The following CLYBL variants were observed in gnomAD, a reference collection of about 807,000 sequenced individuals.
CLYBL encodes citramalyl-CoA lyase.
CLYBL carries 31 observed loss-of-function variants against 38.9 expected under a neutral mutation model. That is an observed-to-expected ratio of 0.80 (90% confidence interval 0.60 to 1.08). CLYBL has a LOEUF of 1.08. Ranked by LOEUF, CLYBL falls within the 50% of genes least tolerant of loss-of-function variation. The probability of loss-of-function intolerance (pLI) is 0.00; values close to 1 mark genes in which losing one functional copy is unlikely to be tolerated. For missense variants in CLYBL, 434 were observed against 411.6 expected (o/e 1.05, Z -0.47); for synonymous variants, 171 against 158.6 (o/e 1.08, Z -0.59).
intron 7 of CLYBL, among the ~76,000 whole-genome samples, chr13:99,886,263 C>G (rs1272284841): frequency 6.6e-6 from 1 of 152,188 alleles, no homozygotes; most frequent in East Asian, 1.9e-4. Flanking sequence ...TAGAAAATTA[C>G]TCTTTTAGGA....
chr13:99,830,756 A>G (rs2050788080), intron 2 of CLYBL, among the ~76,000 whole-genome samples: 1 of 152,208 alleles, frequency 6.6e-6, no homozygotes, highest in African/African-American at 2.4e-5. Context: ...GCTTTCTAAT[A>G]ACTCTTTTAA....
intron 1 of CLYBL, 82 bp downstream of exon 1, chr13:99,606,839 C>G (rs1272305912): frequency 1.5e-6 from 2 of 1,301,288 alleles, no homozygotes; most frequent in East Asian, 3.2e-5. Context: ...GGGCCGGGCG[C>G]GGCCTCCCCA....
At chr13:99,855,362 C>T (rs1057017907) in intron 2 of CLYBL, among the ~76,000 whole-genome samples, 1 of 152,206 alleles carries the variant, frequency 6.6e-6, no homozygotes, top group Non-Finnish European at 1.5e-5. Context: ...CCAGGAAGCA[C>T]TTACCTCCCA....
intron 2 of CLYBL, among the ~76,000 whole-genome samples, chr13:99,825,250 G>T (rs138157330): frequency 6.6e-6 from 1 of 152,148 alleles, no homozygotes; most frequent in Admixed American, 6.5e-5. Context: ...CTTGGCCCTC[G>T]GATGGCTGTA....
At chr13:99,779,017 AGATCC>A (rs1335066882) in intron 2 of CLYBL, among the ~76,000 whole-genome samples, 1 of 152,252 alleles carries the variant, frequency 6.6e-6, no homozygotes, top group Admixed American at 6.5e-5. Context: ...AAATGGTGGC[AGATCC>A]CCAACCTGGA....
At chr13:99,759,235 GA>G (rs1479717357) in intron 1 of CLYBL, among the ~76,000 whole-genome samples, 8 of 152,176 alleles carry the variant, frequency 5.3e-5, no homozygotes, top group African/African-American at 1.9e-4. Flanking sequence ...AGATAAATAA[GA>G]AGCTTTCATA....
chr13:99,904,355 AT>A (rs2052672917), intron 8 of CLYBL, among the ~76,000 whole-genome samples: 2 of 152,198 alleles, frequency 1.3e-5, no homozygotes, highest in African/African-American at 4.8e-5. Context: ...TTGTAACATG[AT>A]TTGGGAATTC....
chr13:99,851,710 T>C (rs909427791), intron 2 of CLYBL, among the ~76,000 whole-genome samples: 1 of 152,056 alleles, frequency 6.6e-6, no homozygotes, highest in African/African-American at 2.4e-5. Flanking sequence ...TGTGGAGCAG[T>C]TGGAAAGGAA....
chr13:99,832,685 G>A (rs1241988198), intron 2 of CLYBL, among the ~76,000 whole-genome samples: 2 of 151,996 alleles, frequency 1.3e-5, no homozygotes, highest in Non-Finnish European at 2.9e-5. Flanking sequence ...GGGCAAGCTG[G>A]CCATTTACCA....
At chr13:99,788,823 TC>T (rs2049855426) in intron 2 of CLYBL, among the ~76,000 whole-genome samples, 1 of 152,192 alleles carries the variant, frequency 6.6e-6, no homozygotes, top group Non-Finnish European at 1.5e-5. Context: ...TGTGAATCCG[TC>T]TGGTCCTGGA....
intron 2 of CLYBL, among the ~76,000 whole-genome samples, chr13:99,800,231 C>A (rs1396247843): frequency 6.6e-6 from 1 of 152,248 alleles, no homozygotes; most frequent in East Asian, 1.9e-4. Flanking sequence ...CTGCATTCCA[C>A]TGGCCACCAT....
chr13:99,827,300 G>C (rs557361693), intron 2 of CLYBL, among the ~76,000 whole-genome samples: 2 of 152,270 alleles, frequency 1.3e-5, no homozygotes, highest in East Asian at 1.9e-4. Context: ...CTGCCCTTCT[G>C]TCTGGCTTGG....
chr13:99,846,004 G>C (rs1176059100), intron 2 of CLYBL, among the ~76,000 whole-genome samples: 1 of 150,314 alleles, frequency 6.7e-6, no homozygotes, highest in Admixed American at 6.6e-5. Context: ...TTCAGTTATA[G>C]TTTTCTTTGG....
chr13:99,773,278 A>G (rs909135784), intron 2 of CLYBL, among the ~76,000 whole-genome samples: 1 of 152,206 alleles, frequency 6.6e-6, no homozygotes, highest in Non-Finnish European at 1.5e-5. Context: ...TGGACAATCA[A>G]TTTTGGCCAT....
chr13:99,647,096 A>C (rs72651499), intron 1 of CLYBL, among the ~76,000 whole-genome samples: 3,237 of 152,292 alleles, frequency 0.021, 88 homozygotes, highest in Admixed American at 0.086. Flanking sequence ...CATGGGCCTG[A>C]GGACCACTCT....
intron 9 of CLYBL, among the ~76,000 whole-genome samples, chr13:99,905,975 T>C (rs1704527809): frequency 1.3e-5 from 2 of 152,148 alleles, no homozygotes; most frequent in Admixed American, 1.3e-4. Context: ...GGTCTCACCA[T>C]GTTGCCCAGT....
chr13:99,775,564 A>G (rs770566988), intron 2 of CLYBL, among the ~76,000 whole-genome samples: 40 of 152,134 alleles, frequency 2.6e-4, no homozygotes, highest in Non-Finnish European at 5.1e-4. Flanking sequence ...GCTGGGGTGC[A>G]GTGGTGTCAT....
At chr13:99,713,142 T>C (rs1274342274) in intron 1 of CLYBL, among the ~76,000 whole-genome samples, 1 of 152,078 alleles carries the variant, frequency 6.6e-6, no homozygotes, top group African/African-American at 2.4e-5. Context: ...TTTCTGTAAA[T>C]TTTTTTCTCT....
intron 4 of CLYBL, among the ~76,000 whole-genome samples, chr13:99,863,770 C>A (rs2051669567): frequency 6.6e-6 from 1 of 152,164 alleles, no homozygotes; most frequent in Admixed American, 6.5e-5. Context: ...TTCCACCTGA[C>A]CTGCGAACAT....
Sources: gnomAD v4.1 joint callset for allele counts (sites outside exome capture counted in the v4.1 genomes callset) on GRCh38, gnomAD v4.1.1 for gene constraint, MANE v1.5 for transcripts, NCBI Gene and HGNC (gene_info 2026-07-23, HGNC 2026-07-21) for gene names.